GRIK4: variants seen among roughly 807,000 people sequenced by gnomAD.
GRIK4 encodes glutamate ionotropic receptor kainate type subunit 4.
In GRIK4, 40 loss-of-function variants were observed where a neutral mutation model predicts 104.9. The observed-to-expected ratio is 0.38, with a 90% CI of 0.30 to 0.50. The LOEUF (loss-of-function observed/expected upper bound fraction) is 0.50, where lower values mean the gene tolerates loss of function less well. GRIK4 is among the 20% of genes least tolerant of loss of function. The pLI is 0.93. For missense variants in GRIK4, 1,047 were observed against 1,308.1 expected, an observed-to-expected ratio of 0.80 and a Z score of 3.08; for synonymous variants, 485 against 524.9, an observed-to-expected ratio of 0.92 and a Z score of 1.04.
At chr11:120,633,944 G>A (rs530689705) in intron 1 of GRIK4, among the ~76,000 whole-genome samples, 30 of 152,340 alleles carry the variant, frequency 2.0e-4, no homozygotes, top group African/African-American at 7.2e-4. Flanking sequence ...GGGGGTGGGA[G>A]AAGGGCTCTT....
chr11:120,758,368 A>T (rs1009892853), intron 3 of GRIK4, among the ~76,000 whole-genome samples: 2 of 152,192 alleles, frequency 1.3e-5, no homozygotes, highest in African/African-American at 4.8e-5. Context: ...AGTAGGTTTC[A>T]TAAACTTTTT....
chr11:120,835,266 G>A (rs1405395713), intron 7 of GRIK4, among the ~76,000 whole-genome samples: 5 of 152,184 alleles, frequency 3.3e-5, no homozygotes, highest in Non-Finnish European at 7.3e-5. Context: ...GGTGCCTCAC[G>A]CCTGTAATCC....
chr11:120,698,975 C>A (rs899341175), intron 3 of GRIK4, among the ~76,000 whole-genome samples: 5 of 152,230 alleles, frequency 3.3e-5, no homozygotes, highest in Admixed American at 6.5e-5. Flanking sequence ...TCATCACTCT[C>A]CCTGCCATAA....
At chr11:120,592,993 C>T (rs559996679) in intron 1 of GRIK4, among the ~76,000 whole-genome samples, 2 of 152,128 alleles carry the variant, frequency 1.3e-5, no homozygotes, top group East Asian at 3.9e-4. Context: ...GACCAGCCTG[C>T]CCAACATGGC....
chr11:120,898,070 T>G (rs1300907208), intron 11 of GRIK4, among the ~76,000 whole-genome samples: 2 of 152,224 alleles, frequency 1.3e-5, no homozygotes, highest in Non-Finnish European at 2.9e-5. Context: ...CATTCATTCA[T>G]TCTTTCAGCC....
At position 120,558,671 on chromosome 11, in the gene GRIK4, A is replaced by G. The variant is rs528007487; in HGVS notation, c.-159+46784A>G. On this transcript the variant is annotated intron_variant, in intron 1 of 20. Transcript: ENST00000527524. ...GACAGTTGTGCTGATGAAGGCACAC[A>G]CAAGAGACAGGCATTTATACACAAC... is the stretch of plus-strand genomic sequence containing the variant. Among the ~76,000 whole-genome samples, 8 of 152,378 alleles carry G rather than the reference A, an allele frequency of 5.3e-5. No homozygotes were observed. In the South Asian group the frequency reaches 1.7e-3, roughly 32 times the overall value.
intron 1 of GRIK4, among the ~76,000 whole-genome samples, chr11:120,641,180 A>G (rs910035520): frequency 3.4e-4 from 52 of 152,238 alleles, no homozygotes; most frequent in Non-Finnish European, 2.9e-5. Context: ...TACTTTAAGA[A>G]GTGTCTGTAT....
intron 3 of GRIK4, among the ~76,000 whole-genome samples, chr11:120,709,709 G>T (rs1950692071): frequency 6.6e-6 from 1 of 152,160 alleles, no homozygotes; most frequent in African/African-American, 2.4e-5. Flanking sequence ...GCTTTGGACA[G>T]CTGTTCACCC....
At chr11:120,596,633 A>G (rs1008167312) in intron 1 of GRIK4, among the ~76,000 whole-genome samples, 2 of 152,152 alleles carry the variant, frequency 1.3e-5, no homozygotes, top group African/African-American at 2.4e-5. Flanking sequence ...TATAAAGCAT[A>G]TGGAGAAGGG....
rs1484086972 is a variant in GRIK4, at chr11:120,967,690, A to G, written c.2395+367A>G. On this transcript the variant is annotated intron_variant, in intron 19 of 20. Transcript: ENST00000527524. The surrounding 1 kb of genome is among the most constrained non-coding windows in gnomAD (Gnocchi z 4.2). ...GCGTCTCTACAGTATATTCTCCGCT[A>G]CTAGCCAGAGTGATCCTTTTTAAAA... Among the ~76,000 whole-genome samples, 1 of 152,192 alleles carries G rather than the reference A, an allele frequency of 6.6e-6. No individual in the cohort carries two copies. Among genetic ancestry groups the G allele is most frequent in the African/African-American group, 2.4e-5 (1 of 41,440 alleles).
intron 11 of GRIK4, among the ~76,000 whole-genome samples, chr11:120,891,430 T>C (rs1247539169): frequency 6.6e-6 from 1 of 152,258 alleles, no homozygotes; most frequent in Non-Finnish European, 1.5e-5. Flanking sequence ...CATCCCCATC[T>C]TGGTACTTAG....
At chr11:120,825,868 G>A (rs989612576) in intron 6 of GRIK4, among the ~76,000 whole-genome samples, 1 of 152,232 alleles carries the variant, frequency 6.6e-6, no homozygotes, top group African/African-American at 2.4e-5. Flanking sequence ...TTATGGCAGT[G>A]GGGGTGGAGG....
At chr11:120,960,044 T>A (rs1944254743) in intron 16 of GRIK4, among the ~76,000 whole-genome samples, 1 of 151,826 alleles carries the variant, frequency 6.6e-6, no homozygotes, top group Non-Finnish European at 1.5e-5. Flanking sequence ...AAAAAAGAAT[T>A]TATCGGCCAG....
chr11:120,572,070 A>ATCCAGGG (rs1022264267), intron 1 of GRIK4, among the ~76,000 whole-genome samples: 1 of 152,206 alleles, frequency 6.6e-6, no homozygotes, highest in Non-Finnish European at 1.5e-5. Context: ...ATGCCGGCGG[A>ATCCAGGG]TCCAGGGTCT....
intron 3 of GRIK4, among the ~76,000 whole-genome samples, chr11:120,776,338 G>A (rs914317647): frequency 6.6e-5 from 10 of 152,220 alleles, no homozygotes; most frequent in African/African-American, 2.4e-4. Context: ...CTCGCTCAGA[G>A]GGAAGCTGAG....
chr11:120,885,865 A>G (rs1030994905), intron 11 of GRIK4, among the ~76,000 whole-genome samples: 14 of 152,182 alleles, frequency 9.2e-5, no homozygotes, highest in African/African-American at 3.1e-4. Flanking sequence ...ACTAGGGTGG[A>G]CTGAGCTCCA....
intron 11 of GRIK4, among the ~76,000 whole-genome samples, chr11:120,896,087 G>A (rs1942571732): frequency 6.6e-6 from 1 of 152,232 alleles, no homozygotes; most frequent in Non-Finnish European, 1.5e-5. Flanking sequence ...CCCAGAGCAA[G>A]GGCACAAGCA....
At chr11:120,977,211 G>A (rs1944575848) in intron 19 of GRIK4, among the ~76,000 whole-genome samples, 1 of 152,210 alleles carries the variant, frequency 6.6e-6, no homozygotes, top group African/African-American at 2.4e-5. Context: ...CTGGGGCACA[G>A]CTGAGCCTCA....
intron 3 of GRIK4, among the ~76,000 whole-genome samples, chr11:120,719,791 T>A (rs1157153044): frequency 6.6e-6 from 1 of 152,224 alleles, no homozygotes; most frequent in African/African-American, 2.4e-5. Context: ...CAACAATGAC[T>A]AGCCTTATTC....
Sources: allele counts gnomAD v4.1 joint callset (sites outside exome capture counted in the v4.1 genomes callset), GRCh38; gene constraint gnomAD v4.1.1; non-coding constraint Gnocchi (gnomAD v3.1); transcripts MANE v1.5; gene names NCBI Gene and HGNC (gene_info 2026-07-23, HGNC 2026-07-21).